The following SUPT3H variants were observed in gnomAD, a reference collection of about 807,000 sequenced individuals.
SUPT3H encodes transcription initiation protein SPT3 homolog.
In SUPT3H, 44 loss-of-function variants were observed where a neutral mutation model predicts 44.3. The ratio of observed to expected loss-of-function variants is 0.99; its 90% CI spans 0.78 to 1.28. The LOEUF (loss-of-function observed/expected upper bound fraction) is 1.28. Ranked by LOEUF, SUPT3H falls within the 50% of genes most tolerant of loss-of-function variation. The probability of loss-of-function intolerance (pLI) is 0.00; values close to 1 mark genes in which losing one functional copy is unlikely to be tolerated. For synonymous variants in SUPT3H, 124 were observed against 125.6 expected, an observed-to-expected ratio of 0.99 and a Z score of 0.09; for missense variants, 380 against 387.1, an observed-to-expected ratio of 0.98 and a Z score of 0.15.
intron 2 of SUPT3H, among the ~76,000 whole-genome samples, chr6:45,355,911 C>T (rs908315980): frequency 6.6e-6 from 1 of 151,830 alleles, no homozygotes; most frequent in African/African-American, 2.4e-5. Context: ...ATTTAATTTC[C>T]CCCCCTTTCC....
At chr6:45,165,918 G>A (rs1809766828) in intron 2 of SUPT3H, among the ~76,000 whole-genome samples, 1 of 152,174 alleles carries the variant, frequency 6.6e-6, no homozygotes, top group Admixed American at 6.5e-5. Flanking sequence ...GAAATAAGAT[G>A]CATATTGGAG....
At chr6:45,268,653 A>AT (rs1775642761) in intron 2 of SUPT3H, among the ~76,000 whole-genome samples, 1 of 152,220 alleles carries the variant, frequency 6.6e-6, no homozygotes, top group East Asian at 1.9e-4. Flanking sequence ...AACAAAAACC[A>AT]TAACTATTCA....
chr6:45,009,131 T>G (rs1300197065), intron 5 of SUPT3H, among the ~76,000 whole-genome samples: 15 of 152,164 alleles, frequency 9.9e-5, no homozygotes, highest in Admixed American at 9.8e-4. Context: ...CCACTGTCTT[T>G]TTATTGTTAA....
At chr6:44,998,112 G>C (rs546596250) in intron 6 of SUPT3H, among the ~76,000 whole-genome samples, 1 of 151,898 alleles carries the variant, frequency 6.6e-6, no homozygotes, top group East Asian at 1.9e-4. Context: ...AGCTCTGTCT[G>C]AAGTTATGCT....
intron 10 of SUPT3H, among the ~76,000 whole-genome samples, chr6:44,897,037 A>T (rs1247243059): frequency 2.0e-5 from 3 of 152,250 alleles, no homozygotes; most frequent in Non-Finnish European, 2.9e-5. Flanking sequence ...AGAATGGCTA[A>T]GCCTGAGGTA....
chr6:45,151,518 T>C (rs1444099208), intron 2 of SUPT3H, among the ~76,000 whole-genome samples: 1 of 152,130 alleles, frequency 6.6e-6, no homozygotes, highest in African/African-American at 2.4e-5. Context: ...AAAGACTAGA[T>C]TATAATGGAG....
At chr6:44,869,528 G>A (rs921492230) in intron 10 of SUPT3H, among the ~76,000 whole-genome samples, 2 of 151,768 alleles carry the variant, frequency 1.3e-5, no homozygotes, top group African/African-American at 4.9e-5. Context: ...AATATGCCCA[G>A]ACAACTTCAA....
chr6:45,213,107 A>G (rs896665870), intron 2 of SUPT3H, among the ~76,000 whole-genome samples: 3 of 152,208 alleles, frequency 2.0e-5, no homozygotes, highest in Non-Finnish European at 4.4e-5. Flanking sequence ...TGTTTGCCAC[A>G]CAATTCAATT....
intron 2 of SUPT3H, among the ~76,000 whole-genome samples, chr6:45,192,587 A>G (rs187247902): frequency 1.3e-4 from 20 of 152,286 alleles, no homozygotes; most frequent in Non-Finnish European, 8.8e-5. Context: ...TTAATAAGCT[A>G]TTTAAATAAA....
intron 3 of SUPT3H, among the ~76,000 whole-genome samples, chr6:45,043,138 C>CACAT (rs140421935): frequency 2.2e-5 from 2 of 90,330 alleles, no homozygotes; most frequent in African/African-American, 4.3e-5. Flanking sequence ...CTTACATACA[C>CACAT]ACATACACAC....
intron 3 of SUPT3H, among the ~76,000 whole-genome samples, chr6:45,021,637 A>T (rs1323548936): frequency 6.6e-6 from 1 of 152,008 alleles, no homozygotes; most frequent in African/African-American, 2.4e-5. Flanking sequence ...TAAAAGATAA[A>T]CCTAACACAT....
chr6:45,189,532 A>G (rs758949648), intron 2 of SUPT3H, among the ~76,000 whole-genome samples: 3 of 152,206 alleles, frequency 2.0e-5, no homozygotes, highest in South Asian at 4.1e-4. Flanking sequence ...TATAGAGGAA[A>G]CCATAAGATG....
intron 2 of SUPT3H, among the ~76,000 whole-genome samples, chr6:45,309,688 G>C (rs1783654592): frequency 6.6e-6 from 1 of 151,574 alleles, no homozygotes; most frequent in Admixed American, 6.6e-5. Context: ...AATAGACGAA[G>C]GTATATTATA....
intron 10 of SUPT3H, among the ~76,000 whole-genome samples, chr6:44,877,314 A>G (rs2153433002): frequency 6.6e-6 from 1 of 152,172 alleles, no homozygotes; most frequent in South Asian, 2.1e-4. Context: ...TAAAAGCACA[A>G]AAAAATTAGC....
intron 6 of SUPT3H, among the ~76,000 whole-genome samples, chr6:44,970,231 C>T (rs1474444898): frequency 6.6e-6 from 1 of 151,654 alleles, no homozygotes; most frequent in Non-Finnish European, 1.5e-5. Flanking sequence ...TGTTTTAATG[C>T]CCATTAAAAA....
At chr6:44,944,080 T>C (rs181369063) in intron 9 of SUPT3H, among the ~76,000 whole-genome samples, 222 of 152,154 alleles carry the variant, frequency 1.5e-3, no homozygotes, top group African/African-American at 5.1e-3. Flanking sequence ...AAGACAAAAA[T>C]TATGGTATTA....
chr6:45,087,818 G>GA (rs1191897358), intron 3 of SUPT3H, among the ~76,000 whole-genome samples: 1 of 151,826 alleles, frequency 6.6e-6, no homozygotes, highest in African/African-American at 2.4e-5. Flanking sequence ...TATTTTTCAA[G>GA]AATGTTGGGA....
rs559832189 is a variant in SUPT3H at position 45,286,178 on chromosome 6, AGGCATGG to A, written c.101+79016_101+79022del. Among the ~76,000 whole-genome samples the A allele has an allele frequency of 2.2e-3, 328 of 151,854 alleles. 1 individual carries two copies. Among genetic ancestry groups the A allele is most frequent in the African/African-American group, 7.4e-3 (306 of 41,370 alleles). ...ACCTAGGCAATACCATTCAGGACAT[AGGCATGG>A]GCCAGGACTTCATGTCTAAAACACC... On this transcript the variant is annotated intron_variant, in intron 2 of 10. Transcript: ENST00000371459.
intron 10 of SUPT3H, among the ~76,000 whole-genome samples, chr6:44,917,378 C>T (rs898679078): frequency 3.9e-5 from 6 of 152,102 alleles, no homozygotes; most frequent in Admixed American, 1.3e-4. Flanking sequence ...CACACATATA[C>T]GTACAATATA....
Sources: gnomAD v4.1 joint callset for allele counts (sites outside exome capture counted in the v4.1 genomes callset) on GRCh38, gnomAD v4.1.1 for gene constraint, MANE v1.5 for transcripts, NCBI Gene and HGNC (gene_info 2026-07-23, HGNC 2026-07-21) for gene names.